Variants in GRIP1 observed in about 807,000 individuals in gnomAD.
GRIP1 encodes the protein glutamate receptor-interacting protein 1.
In GRIP1, 45 loss-of-function variants were observed where a neutral mutation model predicts 129.9. That is an observed-to-expected ratio of 0.35 (90% CI 0.27 to 0.44). The LOEUF is 0.44. GRIP1 is among the 20% of genes least tolerant of loss of function. GRIP1 has a pLI of 1.00. For missense variants in GRIP1, 1,196 were observed against 1,396.8 expected, an observed-to-expected ratio of 0.86 and a Z score of 2.29; for synonymous variants, 530 against 520.8, an observed-to-expected ratio of 1.02 and a Z score of -0.24.
intron 1 of GRIP1, among the ~76,000 whole-genome samples, chr12:66,670,047 C>T (rs2034001025): frequency 6.6e-6 from 1 of 152,234 alleles, no homozygotes; most frequent in East Asian, 1.9e-4. Flanking sequence ...TCATTGTGGG[C>T]TAGGGCAACA....
At chr12:66,978,448 A>C (rs2042188285) in intron 1 of GRIP1, among the ~76,000 whole-genome samples, 1 of 152,204 alleles carries the variant, frequency 6.6e-6, no homozygotes, top group South Asian at 2.1e-4. Context: ...CCTATTTTTG[A>C]CCATATAATT....
intron 15 of GRIP1, among the ~76,000 whole-genome samples, chr12:66,408,454 G>A (rs1282309033): frequency 6.6e-6 from 1 of 152,112 alleles, no homozygotes; most frequent in Admixed American, 6.5e-5. Context: ...TCCAGCCTGG[G>A]CAACAGAATG....
intron 7 of GRIP1, among the ~76,000 whole-genome samples, chr12:66,506,710 A>T (rs547234450): frequency 6.6e-6 from 1 of 152,320 alleles, no homozygotes; most frequent in East Asian, 1.9e-4. Context: ...ACTCTATTCT[A>T]ATTTAGTAAT....
chr12:66,568,112 A>AG, intron 2 of GRIP1: 1 of 285,998 alleles, frequency 3.5e-6, no homozygotes, highest in Non-Finnish European at 7.0e-6. Flanking sequence ...TTCAGCTACA[A>AG]ATTTTACATT....
chr12:66,462,291 C>G (rs1226105722), intron 9 of GRIP1, among the ~76,000 whole-genome samples: 1 of 152,236 alleles, frequency 6.6e-6, no homozygotes, highest in East Asian at 1.9e-4. Context: ...TGATTCCTGC[C>G]AAATATTTGA....
intron 1 of GRIP1, among the ~76,000 whole-genome samples, chr12:66,818,655 G>T (rs1319836088): frequency 1.3e-5 from 2 of 152,120 alleles, no homozygotes; most frequent in Non-Finnish European, 2.9e-5. Flanking sequence ...ATATTAAAAA[G>T]ATATTTATTA....
intron 7 of GRIP1, among the ~76,000 whole-genome samples, chr12:66,498,957 T>C (rs573749101): frequency 1.3e-5 from 2 of 152,096 alleles, no homozygotes; most frequent in Non-Finnish European, 2.9e-5. Flanking sequence ...GAATAGTGCA[T>C]TGGGGGAAAG....
intron 1 of GRIP1, among the ~76,000 whole-genome samples, chr12:66,791,577 C>T (rs927173853): frequency 6.6e-6 from 1 of 152,042 alleles, no homozygotes; most frequent in African/African-American, 2.4e-5. Context: ...GATGAAGTCT[C>T]GAGGAGAAAC....
intron 1 of GRIP1, among the ~76,000 whole-genome samples, chr12:66,655,845 C>T (rs533679625): frequency 7.2e-5 from 11 of 152,060 alleles, no homozygotes; most frequent in South Asian, 2.1e-4. Flanking sequence ...GTGATCTGCC[C>T]GTCTTGGCCT....
chr12:66,381,447 C>T (rs994321061), intron 19 of GRIP1, among the ~76,000 whole-genome samples: 1 of 152,220 alleles, frequency 6.6e-6, no homozygotes, highest in Non-Finnish European at 1.5e-5. Context: ...ATCAAACCAA[C>T]CCCAAATACA....
At chr12:66,492,757 C>G (rs1295765195) in intron 7 of GRIP1, among the ~76,000 whole-genome samples, 1 of 152,158 alleles carries the variant, frequency 6.6e-6, no homozygotes, top group Non-Finnish European at 1.5e-5. Context: ...CACCTGTAAT[C>G]CCAGCACTTT....
chr12:66,732,345 A>T (rs1291120609), intron 1 of GRIP1, among the ~76,000 whole-genome samples: 1 of 152,154 alleles, frequency 6.6e-6, no homozygotes, highest in Non-Finnish European at 1.5e-5. Flanking sequence ...TAAGGACAGG[A>T]GTTCAAGACC....
intron 1 of GRIP1, among the ~76,000 whole-genome samples, chr12:66,889,923 T>C (rs2040629292): frequency 6.6e-6 from 1 of 152,018 alleles, no homozygotes; most frequent in Non-Finnish European, 1.5e-5. Flanking sequence ...AGCTACTGTT[T>C]TTTTTTGTTT....
chr12:66,944,618 T>C (rs755290777), intron 1 of GRIP1, among the ~76,000 whole-genome samples: 2 of 151,324 alleles, frequency 1.3e-5, no homozygotes, highest in Non-Finnish European at 2.9e-5. Context: ...GAGGAGCTGA[T>C]GGAAAGAGGG....
chr12:66,474,943 A>AAT (rs2059558820), intron 7 of GRIP1, among the ~76,000 whole-genome samples: 1 of 152,226 alleles, frequency 6.6e-6, no homozygotes, highest in Admixed American at 6.5e-5. Flanking sequence ...TGACCAGCTA[A>AAT]CATCATAATG....
At chr12:66,819,462 T>C (rs2039280880) in intron 1 of GRIP1, among the ~76,000 whole-genome samples, 1 of 152,184 alleles carries the variant, frequency 6.6e-6, no homozygotes. Context: ...AATACATGAA[T>C]TAAACCATTG....
chr12:67,050,716 T>C (rs1442344244), intron 1 of GRIP1, among the ~76,000 whole-genome samples: 18 of 152,202 alleles, frequency 1.2e-4, no homozygotes, highest in Admixed American at 1.2e-3. Context: ...ATGCATGTTC[T>C]GAACTACATT....
At chr12:66,816,904 T>C (rs1403948023) in intron 1 of GRIP1, among the ~76,000 whole-genome samples, 1 of 152,184 alleles carries the variant, frequency 6.6e-6, no homozygotes, top group Non-Finnish European at 1.5e-5. Flanking sequence ...CTTTATATTT[T>C]ATACTAGAGA....
At chr12:66,723,126 A>C (rs891186144) in intron 1 of GRIP1, among the ~76,000 whole-genome samples, 22 of 151,208 alleles carry the variant, frequency 1.5e-4, no homozygotes, top group African/African-American at 5.3e-4. Context: ...TGGAAAAAAA[A>C]AAAAGAACAA....
Sources: gnomAD v4.1 joint callset for allele counts (sites outside exome capture counted in the v4.1 genomes callset) on GRCh38, gnomAD v4.1.1 for gene constraint, MANE v1.5 for transcripts, NCBI Gene and HGNC (gene_info 2026-07-23, HGNC 2026-07-21) for gene names.